Variants in GTF3C3 observed in about 807,000 individuals in gnomAD.
GTF3C3 encodes the protein general transcription factor IIIC subunit 3.
GTF3C3 carries 75 observed loss-of-function variants against 105.2 expected under a neutral mutation model. That is an observed-to-expected ratio of 0.71 (90% confidence interval 0.59 to 0.86). GTF3C3 has a LOEUF of 0.86. GTF3C3 is among the 40% of genes least tolerant of loss of function. The probability of loss-of-function intolerance (pLI) is 0.00; values close to 1 mark genes in which losing one functional copy is unlikely to be tolerated. For synonymous variants in GTF3C3, 335 were observed against 370.4 expected (o/e 0.90, Z 1.10); for missense variants, 856 against 1,076.5 (o/e 0.80, Z 2.87).
chr2:196,774,255 C>G (rs62185601), intron 13 of GTF3C3, among the ~76,000 whole-genome samples: 16,705 of 152,150 alleles, frequency 0.11, 1,009 homozygotes, highest in Non-Finnish European at 0.14. Context: ...AAAATGCTTA[C>G]TACATTACTG....
chr2:196,797,959 C>CT (rs765410818), intron 1 of GTF3C3, 51 bp from the exon 2 acceptor site: 1 of 1,025,862 alleles, frequency 9.7e-7, no homozygotes, highest in Non-Finnish European at 1.5e-6. Flanking sequence ...AGACTTAGCT[C>CT]TCCCCAGCCA....
In GTF3C3 at chr2:196,764,347, G is replaced by A. The variant is rs1184556017; in HGVS notation, c.*216C>T. On this transcript the variant is annotated 3_prime_UTR_variant, in exon 18 of 18. Transcript: ENST00000263956. ...TTGGGAACAATTCACTATAGAATGT[G>A]AAAGGAAAATGACAGACCAATATAC... 2 of 410,802 alleles carry A rather than the reference G, an allele frequency of 4.9e-6. No homozygotes were observed. Among genetic ancestry groups the A allele is most frequent in the African/African-American group, 4.0e-5 (2 of 50,184 alleles). 25.4% of individuals were successfully genotyped at this position (410,802 alleles called of 1,614,324 possible).
At position 196,776,650 on chromosome 2, in the gene GTF3C3, A is replaced by G. The variant is rs1464349031; in HGVS notation, c.1391-21T>C. ...ACATTCTAAGATGATGTTAAAATAA[A>G]GCAAAAGTATGAACTACAGATTTGT... On this transcript the variant is annotated intron_variant, in intron 10 of 17. Coordinates refer to ENST00000263956, the MANE Select transcript of GTF3C3 (RefSeq NM_012086.5). This position sits in a 1 kb window ranked among gnomAD's most constrained non-coding sequence, Gnocchi z 4.5. 1 of 1,560,462 alleles carries G rather than the reference A, an allele frequency of 6.4e-7. No homozygotes were observed. The highest frequency in any genetic ancestry group is 1.4e-5 in the African/African-American group (1 of 73,948).
intron 13 of GTF3C3, chr2:196,773,634 G>A (rs1173373619): frequency 1.2e-5 from 5 of 415,920 alleles, no homozygotes; most frequent in Non-Finnish European, 2.4e-5. Context: ...CATTATTATT[G>A]TTGTAATATA....
chr2:196,765,365 A>G (rs564700391), intron 17 of GTF3C3, among the ~76,000 whole-genome samples: 1 of 152,244 alleles, frequency 6.6e-6, no homozygotes, highest in South Asian at 2.1e-4. Context: ...AGCTCAATTA[A>G]CAAGATGTAA....
intron 9 of GTF3C3, 54 bp from the exon 10 acceptor site, chr2:196,779,121 T>C: frequency 8.2e-7 from 1 of 1,216,804 alleles, no homozygotes; most frequent in Non-Finnish European, 1.2e-6. Context: ...CGTGCACATC[T>C]ATCTATAGCT....
At chr2:196,797,763 C>G (rs1368162829) in intron 2 of GTF3C3, 34 bp downstream of exon 2, 3 of 1,138,516 alleles carry the variant, frequency 2.6e-6, no homozygotes, top group Non-Finnish European at 4.0e-6. Flanking sequence ...ATACTCTAAA[C>G]ATTCATTGCA....
chr2:196,776,269 A>G lies in GTF3C3; in HGVS notation c.1593+158T>C, dbSNP rs1699257855. Among the ~76,000 whole-genome samples, 1 of 152,252 alleles carries G rather than the reference A, an allele frequency of 6.6e-6. No individual in the cohort carries two copies. The highest frequency in any genetic ancestry group is 2.4e-5 in the African/African-American group (1 of 41,478). ...TTTTAAAACTATAATTTGTAACCCA[A>G]CCAGTGGCTGAAATCCAATACTTAA... On this transcript the variant is annotated intron_variant, in intron 11 of 17. Transcript: ENST00000263956. The surrounding 1 kb of genome is among the most constrained non-coding windows in gnomAD (Gnocchi z 4.5).
At position 196,786,565 on chromosome 2, in the gene GTF3C3, A is replaced by C. The variant is rs920928942; in HGVS notation, c.894-977T>G. Among the ~76,000 whole-genome samples the C allele has an allele frequency of 3.9e-5, 6 of 152,092 alleles. No homozygotes were observed. The highest frequency in any genetic ancestry group is 2.6e-4 in the Admixed American group (4 of 15,252). The stretch of plus-strand genomic sequence containing the variant: ...TGAAAATAACCCCTAGTTTGATCCC[A>C]TTCCCTATGATCTACTTAAGGATAT... On this transcript the variant is annotated intron_variant, in intron 6 of 17. Transcript: ENST00000263956. The surrounding 1 kb of genome is among the most constrained non-coding windows in gnomAD (Gnocchi z 4.2).
At chr2:196,791,551 A>C (rs1167825059) in intron 3 of GTF3C3, 91 bp from the exon 4 acceptor site, 2 of 1,166,364 alleles carry the variant, frequency 1.7e-6, no homozygotes, top group Non-Finnish European at 2.4e-6. Flanking sequence ...CATATAATGA[A>C]ACTGAAATTT....
Position 196,778,966 on chromosome 2 carries a change from T to G in GTF3C3, c.1320A>C (p.Ala440=). ...AFLDVGEYNS[A]LPLLSALVCS... The stretch of plus-strand genomic sequence containing the variant: ...AAACAAGAGCACTGAGGAGGGGAAG[T>G]GCAGAATTATATTCACCAACATCCA... The change falls in exon 10 of 18, where the codon GCA becomes GCC. Residue 440 remains alanine (A), a synonymous_variant. Coordinates refer to ENST00000263956, the MANE Select transcript of GTF3C3 (RefSeq NM_012086.5). 6.2e-7 allele frequency: 1 copy of G among 1,614,004 alleles called. No homozygotes were observed. The highest frequency in any genetic ancestry group is 1.7e-5 in the Admixed American group (1 of 60,000).
intron 12 of GTF3C3, 97 bp downstream of exon 12, chr2:196,775,913 A>G: frequency 1.8e-6 from 1 of 541,818 alleles, no homozygotes; most frequent in Non-Finnish European, 3.1e-6. Flanking sequence ...AGTTTAATGA[A>G]GAAAAACAAT....
intron 13 of GTF3C3, chr2:196,773,561 A>G (rs1472930365): frequency 1.3e-5 from 4 of 318,174 alleles, no homozygotes; most frequent in Non-Finnish European, 2.6e-5. Context: ...TCCATGGGCC[A>G]GGGCTAAGAA....
At position 196,775,308 on chromosome 2, in the gene GTF3C3, C is replaced by G; in HGVS notation, c.1696-57G>C. The G allele has an allele frequency of 2.7e-6, 4 of 1,500,070 alleles. No homozygotes were observed. The South Asian group carries it at 5.1e-5, about 19-fold the overall frequency. 92.9% of individuals were successfully genotyped at this position (1,500,070 alleles called of 1,614,324 possible). A position where few individuals can be genotyped will look rare whatever the true frequency, so the allele number is the denominator to read the frequency against. On this transcript the variant is annotated intron_variant, in intron 12 of 17. Coordinates refer to ENST00000263956, the MANE Select transcript of GTF3C3 (RefSeq NM_012086.5). ...AAACAATAACTGTTTTGTTTAGAGA[C>G]AAAGTCTTGTTATGTTGGCTCAGGC...
chr2:196,789,789 A>G (rs1406217057), intron 5 of GTF3C3, 90 bp downstream of exon 5: 6 of 780,192 alleles, frequency 7.7e-6, no homozygotes, highest in African/African-American at 1.8e-5. Context: ...ATCTCAGCCA[A>G]TATCACACCC....
rs149957262 is a variant in GTF3C3, at chr2:196,787,591, G to T, written c.893+1613C>A. 4.6e-5 allele frequency among the ~76,000 whole-genome samples: 7 copies of T among 152,170 alleles called. No individual in the cohort carries two copies. In the East Asian group the frequency reaches 1.2e-3, roughly 25 times the overall value. On this transcript the variant is annotated intron_variant, in intron 6 of 17. Coordinates refer to ENST00000263956, the MANE Select transcript of GTF3C3 (RefSeq NM_012086.5). ...TTAGTCAGTATGACCATAATACAGA[G>T]AATTATGTCCTTCTCTAACCAGTCT...
chr2:196,770,099 A>C (rs1699146065), intron 15 of GTF3C3, 60 bp from the exon 16 acceptor site: 1 of 1,419,316 alleles, frequency 7.0e-7, no homozygotes, highest in East Asian at 2.6e-5. Flanking sequence ...TATTTCTTCA[A>C]CACTTTTAAG....
At position 196,771,879 on chromosome 2, in the gene GTF3C3, G is replaced by A. The variant is rs1699182307; in HGVS notation, c.2129C>T (p.Thr710Ile). The A allele has an allele frequency of 1.2e-6, 2 of 1,613,234 alleles. No homozygotes were observed. The highest frequency in any genetic ancestry group is 4.5e-5 in the East Asian group (2 of 44,876). The change falls in exon 15 of 18, where the codon ACC (threonine) becomes ATC (isoleucine). Residue 710 changes from threonine to isoleucine, a missense_variant. By Grantham distance (89) the Thr-to-Ile change is moderately conservative. Coordinates refer to ENST00000263956, the MANE Select transcript of GTF3C3 (RefSeq NM_012086.5). ...ATGTCGTACATCTTGGGAGTGCATGGTAACTTGATTGAAAATGTTCCAGAG... is the reference window on the plus strand; with the variant it reads ...ATGTCGTACATCTTGGGAGTGCATGATAACTTGATTGAAAATGTTCCAGAG... ...PQLWNIFNQVTMHSQDVRHHR... is the reference protein window; with the variant it reads ...PQLWNIFNQVIMHSQDVRHHR...
rs1699014244 is a variant in GTF3C3 at position 196,763,941 on chromosome 2, C to CAAAT, written c.*618_*621dup. 1 of 152,092 alleles carries CAAAT rather than the reference C, an allele frequency of 6.6e-6. No homozygotes were observed. Among genetic ancestry groups the CAAAT allele is most frequent in the Non-Finnish European group, 1.5e-5 (1 of 68,006 alleles). 9.4% of individuals were successfully genotyped at this position (152,092 alleles called of 1,614,324 possible). A position where few individuals can be genotyped will look rare whatever the true frequency, so the allele number is the denominator to read the frequency against. Reference sequence around the variant, plus strand: ...TCTCTATTTTTTCATCAGAAAGCCACAAATATAGATAAAGCATTTTTTTAT... The same window carrying CAAAT: ...TCTCTATTTTTTCATCAGAAAGCCACAAATAAATATAGATAAAGCATTTTTTTAT... On this transcript the variant is annotated 3_prime_UTR_variant, in exon 18 of 18. Coordinates refer to ENST00000263956, the MANE Select transcript of GTF3C3 (RefSeq NM_012086.5).
Sources: gnomAD v4.1 joint callset for allele counts (sites outside exome capture counted in the v4.1 genomes callset) on GRCh38, gnomAD v4.1.1 for gene constraint, Gnocchi (gnomAD v3.1) non-coding constraint, MANE v1.5 for transcripts, NCBI Gene and HGNC (gene_info 2026-07-23, HGNC 2026-07-21) for gene names.